RGL1: variants seen among roughly 807,000 people sequenced by gnomAD.
RGL1 encodes ral guanine nucleotide dissociation stimulator-like 1.
In RGL1, 24 loss-of-function variants were observed where a neutral mutation model predicts 95.2. The observed-to-expected ratio is 0.25, with a 90% CI of 0.18 to 0.35. The LOEUF is 0.35. Ranked by LOEUF, RGL1 falls within the 10% of genes least tolerant of loss-of-function variation. The probability of loss-of-function intolerance (pLI) is 1.00; values close to 1 mark genes in which losing one functional copy is unlikely to be tolerated. For synonymous variants in RGL1, 329 were observed against 344.9 expected (o/e 0.95, Z 0.51); for missense variants, 715 against 936.3 (o/e 0.76, Z 3.08).
intron 2 of RGL1, among the ~76,000 whole-genome samples, chr1:183,752,317 C>G (rs1217193135): frequency 6.6e-5 from 10 of 151,996 alleles, no homozygotes; most frequent in Admixed American, 6.6e-4. Flanking sequence ...ACTTCCGCCT[C>G]CTGGTTTCAA....
chr1:183,716,167 A>T (rs1655610503), intron 1 of RGL1, among the ~76,000 whole-genome samples: 2 of 152,234 alleles, frequency 1.3e-5, no homozygotes, highest in African/African-American at 4.8e-5. Context: ...CAAATAAGTT[A>T]ACCATTACAA....
intron 1 of RGL1, among the ~76,000 whole-genome samples, chr1:183,718,945 G>A (rs1310533059): frequency 6.6e-6 from 1 of 151,776 alleles, no homozygotes; most frequent in East Asian, 1.9e-4. Flanking sequence ...AAACGAAAAC[G>A]AACAAACACA....
intron 1 of RGL1, among the ~76,000 whole-genome samples, chr1:183,638,213 G>T (rs116311680): frequency 6.6e-6 from 1 of 152,046 alleles, no homozygotes; most frequent in African/African-American, 2.4e-5. Context: ...TTAAATAATC[G>T]ATTGCTCAAG....
At chr1:183,716,211 AG>A (rs1486250973) in intron 1 of RGL1, among the ~76,000 whole-genome samples, 1 of 152,222 alleles carries the variant, frequency 6.6e-6, no homozygotes, top group African/African-American at 2.4e-5. Context: ...ACACTTCAAG[AG>A]GTGTTGAAGT....
intron 2 of RGL1, among the ~76,000 whole-genome samples, chr1:183,821,667 A>G (rs946674566): frequency 1.3e-5 from 2 of 152,168 alleles, no homozygotes; most frequent in African/African-American, 4.8e-5. Flanking sequence ...TGCTCATCCT[A>G]AAAGCAGTGG....
chr1:183,668,421 C>T (rs1284578126), intron 1 of RGL1, among the ~76,000 whole-genome samples: 1 of 148,812 alleles, frequency 6.7e-6, no homozygotes, highest in Admixed American at 6.6e-5. Context: ...TAATTTTTAT[C>T]TTTACTTCTG....
intron 1 of RGL1, chr1:183,647,571 A>C (rs1212414735): frequency 8.2e-6 from 12 of 1,455,252 alleles, no homozygotes; most frequent in Admixed American, 7.0e-5. Flanking sequence ...TTAGTGCATC[A>C]GTTTATCTCC....
chr1:183,781,348 C>A (rs903092062), intron 2 of RGL1, among the ~76,000 whole-genome samples: 1 of 152,180 alleles, frequency 6.6e-6, no homozygotes. Context: ...GATTGCTCTG[C>A]TAAGAACTCT....
At chr1:183,818,565 T>A (rs1662238688) in intron 2 of RGL1, among the ~76,000 whole-genome samples, 1 of 149,072 alleles carries the variant, frequency 6.7e-6, no homozygotes, top group Admixed American at 6.8e-5. Context: ...TACCAAAAGC[T>A]GTATTACAGC....
At chr1:183,742,235 A>T in exon 2 of RGL1, 3 of 1,614,126 alleles carry the variant, frequency 1.9e-6, no homozygotes, top group Non-Finnish European at 2.5e-6. Context: ...AAAGCACGGG[A>T]CACTGGCTGG....
intron 2 of RGL1, among the ~76,000 whole-genome samples, chr1:183,818,535 T>C (rs1185046864): frequency 6.6e-6 from 1 of 152,230 alleles, no homozygotes; most frequent in African/African-American, 2.4e-5. Context: ...GATCCTTTTA[T>C]CTGAGTTTCC....
At chr1:183,841,784 A>G (rs1449744330) in intron 2 of RGL1, among the ~76,000 whole-genome samples, 1 of 152,198 alleles carries the variant, frequency 6.6e-6, no homozygotes, top group East Asian at 1.9e-4. Flanking sequence ...AGAGATGAGC[A>G]GAGCTTATTT....
chr1:183,716,453 T>C (rs12044116), intron 1 of RGL1, among the ~76,000 whole-genome samples: 5,364 of 152,322 alleles, frequency 0.035, 108 homozygotes, highest in East Asian at 0.08. Flanking sequence ...AATATGTAGC[T>C]TCTGAAGTCA....
intron 2 of RGL1, among the ~76,000 whole-genome samples, chr1:183,768,326 T>C (rs1222004776): frequency 1.3e-5 from 2 of 152,072 alleles, no homozygotes; most frequent in Admixed American, 1.3e-4. Flanking sequence ...CTTTATAACC[T>C]TTTTTAAAAA....
At chr1:183,777,786 A>G (rs1242781499) in intron 2 of RGL1, among the ~76,000 whole-genome samples, 1 of 152,208 alleles carries the variant, frequency 6.6e-6, no homozygotes, top group Admixed American at 6.5e-5. Context: ...GTTCCTGGCC[A>G]TTAGCTTTTA....
chr1:183,780,091 T>TG (rs1239442200), intron 2 of RGL1, among the ~76,000 whole-genome samples: 1 of 152,234 alleles, frequency 6.6e-6, no homozygotes, highest in East Asian at 1.9e-4. Context: ...GTTTCCTCCC[T>TG]GGGAGAATAC....
At position 183,724,246 on chromosome 1, in the gene RGL1, G is replaced by T. The variant is rs1468242666; in HGVS notation, c.-32-17880G>T. Among the ~76,000 whole-genome samples the T allele has an allele frequency of 6.6e-6, 1 of 152,154 alleles. No individual in the cohort carries two copies. Among genetic ancestry groups the T allele is most frequent in the Non-Finnish European group, 1.5e-5 (1 of 68,028 alleles). On this transcript the variant is annotated intron_variant, in intron 1 of 18. Transcript: ENST00000304685. The surrounding 1 kb of genome is among the most constrained non-coding windows in gnomAD (Gnocchi z 4.1). The stretch of plus-strand genomic sequence containing the variant: ...ACACAGCACATTCCCAGCTGTGGTG[G>T]CTATGAGGAGAGACTGTTTCTGCTT...
chr1:183,874,542 A>G (rs753081956), intron 4 of RGL1, among the ~76,000 whole-genome samples: 97 of 149,510 alleles, frequency 6.5e-4, no homozygotes, highest in Admixed American at 1.9e-3. Context: ...CCTTCCCCAT[A>G]GTCCCTGCGT....
At chr1:183,674,917 T>A (rs946943181) in intron 1 of RGL1, among the ~76,000 whole-genome samples, 2 of 152,238 alleles carry the variant, frequency 1.3e-5, no homozygotes, top group Non-Finnish European at 2.9e-5. Flanking sequence ...CTTGGCAGTA[T>A]CTTCAAAAGT....
Sources: gnomAD v4.1 joint callset for allele counts (sites outside exome capture counted in the v4.1 genomes callset) on GRCh38, gnomAD v4.1.1 for gene constraint, Gnocchi (gnomAD v3.1) non-coding constraint, MANE v1.5 for transcripts, NCBI Gene and HGNC (gene_info 2026-07-23, HGNC 2026-07-21) for gene names.